Variants in SDK1 observed in about 807,000 individuals in gnomAD.
SDK1 encodes protein sidekick-1.
In SDK1, 157 loss-of-function variants were observed where a neutral mutation model predicts 245.5. The ratio of observed to expected loss-of-function variants is 0.64; its 90% confidence interval spans 0.56 to 0.73. The LOEUF is 0.73. Among genes scored for constraint, SDK1 ranks in the 30% least tolerant of loss-of-function variants. The pLI is 0.00. For missense variants in SDK1, 3,583 were observed against 3,002.3 expected (o/e 1.19, Z -4.52); for synonymous variants, 1,647 against 1,278.5 (o/e 1.29, Z -6.15).
chr7:4,117,395 G>T (rs904888918), intron 25 of SDK1, among the ~76,000 whole-genome samples: 1 of 152,198 alleles, frequency 6.6e-6, no homozygotes, highest in Non-Finnish European at 1.5e-5. Flanking sequence ...TTGGGCCTGG[G>T]AGTTTGAGGC....
chr7:3,605,377 G>A (rs1180450614), intron 1 of SDK1, among the ~76,000 whole-genome samples: 1 of 152,182 alleles, frequency 6.6e-6, no homozygotes, highest in Admixed American at 6.5e-5. Context: ...TTCACTTAAG[G>A]AAAAATATTC....
chr7:3,542,412 C>G (rs1046132588), intron 1 of SDK1, among the ~76,000 whole-genome samples: 2 of 152,174 alleles, frequency 1.3e-5, no homozygotes, highest in South Asian at 4.1e-4. Flanking sequence ...ACCTGCATAG[C>G]TGGTGTGGCC....
At chr7:3,992,807 T>A (rs566179441) in intron 14 of SDK1, among the ~76,000 whole-genome samples, 1 of 152,180 alleles carries the variant, frequency 6.6e-6, no homozygotes, top group Non-Finnish European at 1.5e-5. Context: ...GGGCTACTTA[T>A]CTCTGTAAAT....
At chr7:3,970,453 G>C (rs940111528) in intron 11 of SDK1, among the ~76,000 whole-genome samples, 3 of 152,166 alleles carry the variant, frequency 2.0e-5, no homozygotes, top group African/African-American at 7.2e-5. Context: ...CAGCCACTTC[G>C]TTCATTCTGT....
rs950126638 is a variant in SDK1 at position 3,484,217 on chromosome 7, A to G, written c.299-134863A>G. Among the ~76,000 whole-genome samples the G allele has an allele frequency of 3.3e-5, 5 of 152,216 alleles. No individual in the cohort carries two copies. The East Asian group carries it at 5.8e-4, about 18-fold the overall frequency. ...ACGGATACAAAATTTCACCTTCTGT[A>G]TCCATGAATTCACATCCCTCCAATA... On this transcript the variant is annotated intron_variant, in intron 1 of 44. Coordinates refer to ENST00000404826, the MANE Select transcript of SDK1 (RefSeq NM_152744.4).
chr7:4,059,685 G>C (rs1779413718), intron 19 of SDK1, among the ~76,000 whole-genome samples: 1 of 152,114 alleles, frequency 6.6e-6, no homozygotes. Flanking sequence ...CAGACCCTAT[G>C]TTAGGACACA....
intron 35 of SDK1, among the ~76,000 whole-genome samples, chr7:4,197,187 G>C (rs1411573821): frequency 1.3e-5 from 2 of 152,174 alleles, no homozygotes; most frequent in Non-Finnish European, 2.9e-5. Context: ...CTTGGGGCCA[G>C]GCATGGTGGC....
chr7:3,865,586 G>A (rs1476653988), intron 5 of SDK1, among the ~76,000 whole-genome samples: 8 of 152,150 alleles, frequency 5.3e-5, no homozygotes, highest in African/African-American at 9.6e-5. Context: ...ACAGCTCACC[G>A]CAGCTTCAAA....
At chr7:4,013,172 A>T (rs1464961079) in intron 16 of SDK1, among the ~76,000 whole-genome samples, 1 of 152,210 alleles carries the variant, frequency 6.6e-6, no homozygotes, top group Non-Finnish European at 1.5e-5. Context: ...TTTGCTTTAT[A>T]AAGGACAGTT....
intron 14 of SDK1, among the ~76,000 whole-genome samples, chr7:3,995,909 G>T (rs1784666176): frequency 6.6e-6 from 1 of 151,810 alleles, no homozygotes; most frequent in Admixed American, 6.6e-5. Context: ...ATACAGAAGT[G>T]TTTGACTTTT....
intron 1 of SDK1, among the ~76,000 whole-genome samples, chr7:3,472,056 T>G (rs1781201456): frequency 6.6e-6 from 1 of 152,220 alleles, no homozygotes; most frequent in Non-Finnish European, 1.5e-5. Context: ...GATGAGATGG[T>G]AGCAGTGCTG....
At chr7:3,560,326 AT>A (rs1433095623) in intron 1 of SDK1, among the ~76,000 whole-genome samples, 1 of 152,148 alleles carries the variant, frequency 6.6e-6, no homozygotes, top group Non-Finnish European at 1.5e-5. Context: ...TATGTCTTTT[AT>A]CTTTATTTCA....
intron 4 of SDK1, among the ~76,000 whole-genome samples, chr7:3,742,806 C>A (rs79284346): frequency 6.6e-6 from 1 of 152,238 alleles, no homozygotes; most frequent in East Asian, 1.9e-4. Flanking sequence ...TCCTTTCCTA[C>A]AAGGTCAGTG....
At chr7:3,527,167 T>G (rs1161978829) in intron 1 of SDK1, among the ~76,000 whole-genome samples, 1 of 152,212 alleles carries the variant, frequency 6.6e-6, no homozygotes, top group Non-Finnish European at 1.5e-5. Context: ...TCTTTTAATG[T>G]GTCAGCATAG....
chr7:3,542,688 G>A (rs1054450191), intron 1 of SDK1, among the ~76,000 whole-genome samples: 1 of 152,122 alleles, frequency 6.6e-6, no homozygotes, highest in African/African-American at 2.4e-5. Flanking sequence ...ATGCCTTACA[G>A]TACTATTGTC....
At chr7:3,883,419 G>A (rs1298520139) in intron 5 of SDK1, among the ~76,000 whole-genome samples, 2 of 152,166 alleles carry the variant, frequency 1.3e-5, no homozygotes, top group South Asian at 2.1e-4. Flanking sequence ...CCTGTCTGCC[G>A]CACATGAATC....
At chr7:3,723,902 A>G (rs1311802448) in intron 4 of SDK1, among the ~76,000 whole-genome samples, 4 of 131,480 alleles carry the variant, frequency 3.0e-5, no homozygotes, top group Admixed American at 7.5e-5. Flanking sequence ...ACGTGTATAT[A>G]CACGTACATA....
chr7:3,475,489 A>T (rs1297917292), intron 1 of SDK1, among the ~76,000 whole-genome samples: 1 of 152,246 alleles, frequency 6.6e-6, no homozygotes, highest in Non-Finnish European at 1.5e-5. Context: ...CGCAAAAATC[A>T]AGCAGGACAA....
chr7:3,421,591 A>G (rs1779537730), intron 1 of SDK1, among the ~76,000 whole-genome samples: 1 of 152,192 alleles, frequency 6.6e-6, no homozygotes, highest in African/African-American at 2.4e-5. Context: ...CTGTAAACTA[A>G]TTATATTTTG....
Sources: allele counts gnomAD v4.1 joint callset (sites outside exome capture counted in the v4.1 genomes callset), GRCh38; gene constraint gnomAD v4.1.1; transcripts MANE v1.5; gene names NCBI Gene and HGNC (gene_info 2026-07-23, HGNC 2026-07-21).